The following FGF18 variants were observed in gnomAD, a reference collection of about 807,000 sequenced individuals.
FGF18 encodes fibroblast growth factor 18.
FGF18 carries 5 observed loss-of-function variants against 23.0 expected under a neutral mutation model. The observed-to-expected ratio is 0.22, with a 90% CI of 0.11 to 0.46. The LOEUF (loss-of-function observed/expected upper bound fraction) is 0.46, where lower values mean the gene tolerates loss of function less well. Ranked by LOEUF, FGF18 falls within the 20% of genes least tolerant of loss-of-function variation. The pLI, the probability that FGF18 is intolerant of heterozygous loss-of-function variation, is 0.99. For missense variants in FGF18, 180 were observed against 291.6 expected (o/e 0.62, Z 2.79); for synonymous variants, 117 against 118.9 (o/e 0.98, Z 0.10).
chr5:171,434,320 G>A lies in FGF18; in HGVS notation c.70-1773G>A, dbSNP rs967688476. Among the ~76,000 whole-genome samples, 1 of 152,240 alleles carries A rather than the reference G, an allele frequency of 6.6e-6. No homozygotes were observed. The highest frequency in any genetic ancestry group is 2.4e-5 in the African/African-American group (1 of 41,462). On this transcript the variant is annotated intron_variant, in intron 2 of 4. Coordinates refer to ENST00000274625, the MANE Select transcript of FGF18 (RefSeq NM_003862.3). This position sits in a 1 kb window ranked among gnomAD's most constrained non-coding sequence, Gnocchi z 4.6. ...CATGAAGGTTCAACAATGTGGTCCTGCTGACATACCTGTGGGCCCAGTCCA... is the reference window on the plus strand; with the variant it reads ...CATGAAGGTTCAACAATGTGGTCCTACTGACATACCTGTGGGCCCAGTCCA...
At chr5:171,422,772 G>A (rs1772034355) in intron 2 of FGF18, among the ~76,000 whole-genome samples, 1 of 152,156 alleles carries the variant, frequency 6.6e-6, no homozygotes, top group South Asian at 2.1e-4. Context: ...GGGTGAGCCG[G>A]GGCCAGGGAG....
chr5:171,450,763 C>G (rs1007020680), intron 4 of FGF18, among the ~76,000 whole-genome samples: 1 of 152,040 alleles, frequency 6.6e-6, no homozygotes, highest in African/African-American at 2.4e-5. Context: ...GGCGCCGGGT[C>G]CCCCTAGCCT....
chr5:171,452,607 G>T (rs1198071490), intron 4 of FGF18, among the ~76,000 whole-genome samples: 1 of 152,126 alleles, frequency 6.6e-6, no homozygotes, highest in South Asian at 2.1e-4. Context: ...GTAAACAGTT[G>T]TTGAGTGTCT....
chr5:171,431,020 G>A (rs1772175327), intron 2 of FGF18, among the ~76,000 whole-genome samples: 2 of 152,266 alleles, frequency 1.3e-5, no homozygotes, highest in South Asian at 2.1e-4. Context: ...CATAGGTGAT[G>A]TGTGATGTGA....
Position 171,437,243 on chromosome 5 carries a change from C to T in FGF18, c.250+970C>T, listed in dbSNP as rs1489599421. Among the ~76,000 whole-genome samples, 4 of 152,344 alleles carry T rather than the reference C, an allele frequency of 2.6e-5. No homozygotes were observed. The East Asian group carries it at 7.7e-4, about 29-fold the overall frequency. The stretch of plus-strand genomic sequence containing the variant: ...GCCCCGCCTGCCTGCCAACCCTGCC[C>T]GTTGCAGTCAGGACGTGACAACAAG... On this transcript the variant is annotated intron_variant, in intron 3 of 4. Coordinates refer to ENST00000274625, the MANE Select transcript of FGF18 (RefSeq NM_003862.3).
At chr5:171,435,988 C>A in intron 2 of FGF18, 105 bp from the exon 3 acceptor site, 1 of 898,388 alleles carries the variant, frequency 1.1e-6, no homozygotes, top group Non-Finnish European at 1.5e-6. Flanking sequence ...TGGCTCAGAG[C>A]CGGTGTAGAG....
In FGF18 at chr5:171,457,083, T is replaced by G; in HGVS notation, c.*278T>G. On this transcript the variant is annotated 3_prime_UTR_variant, in exon 5 of 5. Coordinates refer to ENST00000274625, the MANE Select transcript of FGF18 (RefSeq NM_003862.3). Reference sequence around the variant, plus strand: ...CTAGGAACAGACAACTCTAAACTCGTCCCCAGAGGAGGACTTGAATGAGGA... The same window carrying G: ...CTAGGAACAGACAACTCTAAACTCGGCCCCAGAGGAGGACTTGAATGAGGA... The G allele has an allele frequency of 3.2e-6, 1 of 312,692 alleles. No individual in the cohort carries two copies. The highest frequency in any genetic ancestry group is 5.7e-6 in the Non-Finnish European group (1 of 175,920). The allele number at this position is 312,692 out of a possible 1,614,324, so 19.4% of individuals were successfully genotyped here. A position where few individuals can be genotyped will look rare whatever the true frequency, so the allele number is the denominator to read the frequency against.
At chr5:171,442,614 A>T (rs962464680) in intron 3 of FGF18, among the ~76,000 whole-genome samples, 6 of 152,156 alleles carry the variant, frequency 3.9e-5, no homozygotes, top group Non-Finnish European at 7.4e-5. Context: ...GCTTGGGGAA[A>T]ACAAACCCAC....
intron 2 of FGF18, among the ~76,000 whole-genome samples, chr5:171,431,579 G>A (rs1772182149): frequency 6.6e-6 from 1 of 152,162 alleles, no homozygotes; most frequent in African/African-American, 2.4e-5. Flanking sequence ...CAAGGCAGGG[G>A]AAGCAGGGGC....
intron 2 of FGF18, among the ~76,000 whole-genome samples, chr5:171,422,181 C>A (rs1033697209): frequency 1.3e-5 from 2 of 151,986 alleles, no homozygotes; most frequent in African/African-American, 4.8e-5. Context: ...TTGTGTTCTC[C>A]GTGGGAGCTG....
intron 2 of FGF18, among the ~76,000 whole-genome samples, chr5:171,423,313 T>A (rs1026763188): frequency 2.1e-4 from 32 of 152,366 alleles, no homozygotes; most frequent in Admixed American, 2.0e-4. Context: ...GGAAGAATTT[T>A]AAAAATTTCC....
intron 2 of FGF18, among the ~76,000 whole-genome samples, chr5:171,431,479 G>C (rs1772180747): frequency 6.6e-6 from 1 of 152,150 alleles, no homozygotes; most frequent in South Asian, 2.1e-4. Context: ...TGGAAGGCTT[G>C]GGGGAGGGAT....
In FGF18 at chr5:171,434,642, A is replaced by G. The variant is rs1366127203; in HGVS notation, c.70-1451A>G. On this transcript the variant is annotated intron_variant, in intron 2 of 4. Transcript: ENST00000274625. This position sits in a 1 kb window ranked among gnomAD's most constrained non-coding sequence, Gnocchi z 4.6. ...TTGACATGGGATAGGACATGCATACAACCAGCAGGGTGTAGGGGACCCTGC... is the reference window on the plus strand; with the variant it reads ...TTGACATGGGATAGGACATGCATACGACCAGCAGGGTGTAGGGGACCCTGC... Among the ~76,000 whole-genome samples the G allele has an allele frequency of 1.3e-5, 2 of 152,176 alleles. No homozygotes were observed. The highest frequency in any genetic ancestry group is 4.8e-5 in the African/African-American group (2 of 41,442).
Position 171,451,057 on chromosome 5 carries a change from C to A in FGF18, c.357+1804C>A, listed in dbSNP as rs984090191. ...AGCCCCGTCCCCTCGGGCCGCCCCC[C>A]CACCCCGCCGCCGGCCGCCTCCCGC... On this transcript the variant is annotated intron_variant, in intron 4 of 4. Transcript: ENST00000274625. The surrounding 1 kb of genome is among the most constrained non-coding windows in gnomAD (Gnocchi z 4.5). 1.3e-4 allele frequency among the ~76,000 whole-genome samples: 20 copies of A among 151,652 alleles called. No individual in the cohort carries two copies. Among genetic ancestry groups the A allele is most frequent in the Middle Eastern group, 3.4e-3 (1 of 292 alleles).
intron 2 of FGF18, among the ~76,000 whole-genome samples, chr5:171,426,654 G>A (rs1433319532): frequency 6.6e-6 from 1 of 152,256 alleles, no homozygotes; most frequent in East Asian, 1.9e-4. Context: ...GGGCCACAGA[G>A]TGGAATCCCT....
At chr5:171,435,011 T>C (rs138967623) in intron 2 of FGF18, among the ~76,000 whole-genome samples, 7 of 152,128 alleles carry the variant, frequency 4.6e-5, no homozygotes, top group Non-Finnish European at 1.0e-4. Flanking sequence ...GGGGTTAGAA[T>C]GTAAGGATCT....
intron 3 of FGF18, among the ~76,000 whole-genome samples, chr5:171,443,531 T>TTTTTTTTTTG (rs1480484505): frequency 8.7e-6 from 1 of 115,026 alleles, no homozygotes; most frequent in Non-Finnish European, 1.9e-5. Flanking sequence ...TTTTTTTTTT[T>TTTTTTTTTTG]TAGCAGAGAC....
At chr5:171,425,703 T>C (rs1470495777) in intron 2 of FGF18, among the ~76,000 whole-genome samples, 1 of 151,982 alleles carries the variant, frequency 6.6e-6, no homozygotes, top group Non-Finnish European at 1.5e-5. Context: ...GCTAATTTTT[T>C]GTATTTTTAG....
In FGF18 at chr5:171,436,182, G is replaced by C. The variant is rs1396555321; in HGVS notation, c.159G>C (p.Arg53=). Residue 53 remains arginine, a synonymous_variant, in exon 3 of 5, where the codon CGG becomes CGC. Coordinates refer to ENST00000274625, the MANE Select transcript of FGF18 (RefSeq NM_003862.3). This position sits in a 1 kb window ranked among gnomAD's most constrained non-coding sequence, Gnocchi z 4.4. ...ACGATGTGAGCCGTAAGCAGCTGCG[G>C]CTGTACCAGCTCTACAGCCGGACCA... ...ARDDVSRKQL[R]LYQLYSRTSG... The C allele has an allele frequency of 1.9e-6, 3 of 1,609,144 alleles. No individual in the cohort carries two copies. Among genetic ancestry groups the C allele is most frequent in the Non-Finnish European group, 2.5e-6 (3 of 1,177,286 alleles).
Sources: gnomAD v4.1 joint callset for allele counts (sites outside exome capture counted in the v4.1 genomes callset) on GRCh38, gnomAD v4.1.1 for gene constraint, Gnocchi (gnomAD v3.1) non-coding constraint, MANE v1.5 for transcripts, NCBI Gene and HGNC (gene_info 2026-07-23, HGNC 2026-07-21) for gene names.